OSBPL3: variants seen among roughly 807,000 people sequenced by gnomAD.
OSBPL3 encodes oxysterol binding protein like 3, also known as oxysterol-binding protein-related protein 3.
OSBPL3 carries 65 observed loss-of-function variants against 120.1 expected under a neutral mutation model. The observed-to-expected ratio is 0.54, with a 90% CI of 0.44 to 0.67. OSBPL3 has a LOEUF of 0.67. Ranked by LOEUF, OSBPL3 falls within the 30% of genes least tolerant of loss-of-function variation. OSBPL3 has a pLI of 0.00. For synonymous variants in OSBPL3, 416 were observed against 402.6 expected (o/e 1.03, Z -0.40); for missense variants, 1,004 against 1,082.1 (o/e 0.93, Z 1.01).
rs916386705 is a variant in OSBPL3 at position 24,798,182 on chromosome 7, T to C, written c.*2001A>G. The stretch of plus-strand genomic sequence containing the variant: ...CTCTAAAATAAAGCATAAGGGCAAG[T>C]GAAATAACATTAGGATAATTAAAGA... On this transcript the variant is annotated 3_prime_UTR_variant, in exon 23 of 23. Transcript: ENST00000313367. The surrounding 1 kb of genome is among the most constrained non-coding windows in gnomAD (Gnocchi z 4.6). 6.6e-6 allele frequency: 1 copy of C among 152,328 alleles called. No individual in the cohort carries two copies. The highest frequency in any genetic ancestry group is 1.9e-4 in the East Asian group (1 of 5,196). 9.4% of individuals were successfully genotyped at this position (152,328 alleles called of 1,614,324 possible).
Position 24,955,481 on chromosome 7 carries a change from G to A in OSBPL3, c.-150+24405C>T, listed in dbSNP as rs926573738. Reference sequence around the variant, plus strand: ...TGATTCTCCCTGGCTGTTCTGTGGAGGAGAGGCTACTGGGGTGGCCTCAGG... The same window carrying A: ...TGATTCTCCCTGGCTGTTCTGTGGAAGAGAGGCTACTGGGGTGGCCTCAGG... On this transcript the variant is annotated intron_variant, in intron 1 of 22. Transcript: ENST00000313367. This position sits in a 1 kb window ranked among gnomAD's most constrained non-coding sequence, Gnocchi z 4.3. Among the ~76,000 whole-genome samples the A allele has an allele frequency of 9.2e-5, 14 of 152,232 alleles. No homozygotes were observed. The highest frequency in any genetic ancestry group is 5.2e-4 in the Admixed American group (8 of 15,284).
At position 24,935,103 on chromosome 7, in the gene OSBPL3, A is replaced by T. The variant is rs145340624; in HGVS notation, c.-149-42482T>A. Reference sequence around the variant, plus strand: ...ATAGAAAATTTGATAAATAATTTGTAGTACAACTACATAATAACCTATAAG... The same window carrying T: ...ATAGAAAATTTGATAAATAATTTGTTGTACAACTACATAATAACCTATAAG... On this transcript the variant is annotated intron_variant, in intron 1 of 22. Coordinates refer to ENST00000313367, the MANE Select transcript of OSBPL3 (RefSeq NM_015550.4). 7.1e-3 allele frequency among the ~76,000 whole-genome samples: 1,077 copies of T among 152,330 alleles called. 8 individuals carry two copies. The highest frequency in any genetic ancestry group is 9.9e-3 in the Non-Finnish European group (670 of 68,014).
At position 24,805,946 on chromosome 7, in the gene OSBPL3, G is replaced by C. The variant is rs1252408188; in HGVS notation, c.2444+830C>G. Among the ~76,000 whole-genome samples, 1 of 152,154 alleles carries C rather than the reference G, an allele frequency of 6.6e-6. No individual in the cohort carries two copies. Among genetic ancestry groups the C allele is most frequent in the Admixed American group, 6.5e-5 (1 of 15,274 alleles). Reference sequence around the variant, plus strand: ...ATAGTTTTATTTATTTTGCCATAAAGAAGGGCTTAAGTTTGTTTGTTTTGT... The same window carrying C: ...ATAGTTTTATTTATTTTGCCATAAACAAGGGCTTAAGTTTGTTTGTTTTGT... On this transcript the variant is annotated intron_variant, in intron 21 of 22. Coordinates refer to ENST00000313367, the MANE Select transcript of OSBPL3 (RefSeq NM_015550.4). This position sits in a 1 kb window ranked among gnomAD's most constrained non-coding sequence, Gnocchi z 4.0.
chr7:24,843,644 G>T (rs763566687), intron 12 of OSBPL3, among the ~76,000 whole-genome samples: 5 of 152,090 alleles, frequency 3.3e-5, no homozygotes, highest in Non-Finnish European at 5.9e-5. Flanking sequence ...TGTTGAAATA[G>T]ATATCCCTTT....
At chr7:24,812,393 T>G (rs1414817728) in intron 19 of OSBPL3, among the ~76,000 whole-genome samples, 1 of 151,782 alleles carries the variant, frequency 6.6e-6, no homozygotes, top group African/African-American at 2.4e-5. Flanking sequence ...ATTCTCACTA[T>G]GTATTGGTCC....
intron 12 of OSBPL3, among the ~76,000 whole-genome samples, chr7:24,843,384 G>T (rs1372958072): frequency 2.0e-5 from 3 of 152,192 alleles, no homozygotes; most frequent in Non-Finnish European, 4.4e-5. Flanking sequence ...AGAGTAGACA[G>T]GTAGTAGTAA....
At chr7:24,910,785 C>T (rs547027282) in intron 1 of OSBPL3, among the ~76,000 whole-genome samples, 3 of 152,224 alleles carry the variant, frequency 2.0e-5, no homozygotes, top group African/African-American at 7.2e-5. Context: ...CTGCAGGGAG[C>T]CGTGAAGATG....
rs1428261965 is a variant in OSBPL3, at chr7:24,936,304, C to A, written c.-150+43582G>T. ...TACTTAGGGCTAACTTTTCCTCTCACAATCCACAAACATGAATACGTTCTT... is the reference window on the plus strand; with the variant it reads ...TACTTAGGGCTAACTTTTCCTCTCAAAATCCACAAACATGAATACGTTCTT... On this transcript the variant is annotated intron_variant, in intron 1 of 22. Coordinates refer to ENST00000313367, the MANE Select transcript of OSBPL3 (RefSeq NM_015550.4). This position sits in a 1 kb window ranked among gnomAD's most constrained non-coding sequence, Gnocchi z 4.2. Among the ~76,000 whole-genome samples, 2 of 152,196 alleles carry A rather than the reference C, an allele frequency of 1.3e-5. No homozygotes were observed. The highest frequency in any genetic ancestry group is 2.9e-5 in the Non-Finnish European group (2 of 68,026).
rs764566881 is a variant in OSBPL3 at position 24,892,465 on chromosome 7, CTCA to C, written c.5_7del (p.Met2del). ...GGACACACCAAGGTTCTTCTCATCA[CTCA>C]TCATGGACAGCAAGTCACTTGGCCT... On this transcript the variant is annotated inframe_deletion, in exon 2 of 23. Coordinates refer to ENST00000313367, the MANE Select transcript of OSBPL3 (RefSeq NM_015550.4). 3.1e-6 allele frequency: 5 copies of C among 1,613,146 alleles called. No individual in the cohort carries two copies. Among genetic ancestry groups the C allele is most frequent in the East Asian group, 2.2e-5 (1 of 44,880 alleles).
rs751682588 is a variant in OSBPL3 at position 24,815,012 on chromosome 7, T to C, written c.2172+47A>G. On this transcript the variant is annotated intron_variant, in intron 19 of 22. Transcript: ENST00000313367. This position sits in a 1 kb window ranked among gnomAD's most constrained non-coding sequence, Gnocchi z 5.1. ...GCCCTGTGCTCTGGGGCCCTGGCTC[T>C]GCCACAGCCCTTCCAGGGTCAGAGC... 9.0e-5 allele frequency: 144 copies of C among 1,597,098 alleles called. No individual in the cohort carries two copies. Among genetic ancestry groups the C allele is most frequent in the Non-Finnish European group, 1.2e-4 (140 of 1,166,504 alleles).
In OSBPL3 at chr7:24,827,703, T is replaced by C. The variant is rs1288095475; in HGVS notation, c.1884+3065A>G. On this transcript the variant is annotated intron_variant, in intron 16 of 22. Coordinates refer to ENST00000313367, the MANE Select transcript of OSBPL3 (RefSeq NM_015550.4). This position sits in a 1 kb window ranked among gnomAD's most constrained non-coding sequence, Gnocchi z 5.1. ...TTATCCCTGAGAGACTCATCCATTC[T>C]TAGGTATATTAAAATAACCAACTAT... Among the ~76,000 whole-genome samples, 1 of 152,224 alleles carries C rather than the reference T, an allele frequency of 6.6e-6. No homozygotes were observed. The highest frequency in any genetic ancestry group is 1.5e-5 in the Non-Finnish European group (1 of 68,036).
At chr7:24,963,478 C>T (rs967320861) in intron 1 of OSBPL3, among the ~76,000 whole-genome samples, 8 of 152,198 alleles carry the variant, frequency 5.3e-5, no homozygotes, top group Non-Finnish European at 8.8e-5. Context: ...ACCAAGAATC[C>T]GGCCAACCCA....
chr7:24,834,191 G>C lies in OSBPL3; in HGVS notation c.1746+295C>G. 3.6e-6 allele frequency: 4 copies of C among 1,109,022 alleles called. No homozygotes were observed. Among genetic ancestry groups the C allele is most frequent in the Non-Finnish European group, 4.4e-6 (4 of 900,540 alleles). 68.7% of individuals were successfully genotyped at this position (1,109,022 alleles called of 1,614,324 possible). A position where few individuals can be genotyped will look rare whatever the true frequency, so the allele number is the denominator to read the frequency against. On this transcript the variant is annotated intron_variant, in intron 15 of 22. Transcript: ENST00000313367. The surrounding 1 kb of genome is among the most constrained non-coding windows in gnomAD (Gnocchi z 5.2). ...GACATGTTTTCCAGCCGGGCACATC[G>C]GAACAATCAGCCAGAAGGCTTCTGG... is the stretch of plus-strand genomic sequence containing the variant.
intron 16 of OSBPL3, among the ~76,000 whole-genome samples, chr7:24,826,938 G>A (rs946558689): frequency 1.3e-5 from 2 of 152,024 alleles, no homozygotes; most frequent in African/African-American, 4.8e-5. Flanking sequence ...AAATCCACAA[G>A]ACAACAAAAT....
intron 2 of OSBPL3, among the ~76,000 whole-genome samples, chr7:24,884,656 C>T (rs1001711639): frequency 6.6e-6 from 1 of 152,170 alleles, no homozygotes; most frequent in East Asian, 1.9e-4. Context: ...TTGTCAAACA[C>T]TTACATAGCA....
At chr7:24,971,272 C>T (rs992451395) in intron 1 of OSBPL3, among the ~76,000 whole-genome samples, 2 of 152,236 alleles carry the variant, frequency 1.3e-5, no homozygotes, top group Non-Finnish European at 2.9e-5. Flanking sequence ...AAAACTACTT[C>T]GCCCTCTCTA....
chr7:24,834,824 A>G lies in OSBPL3; in HGVS notation c.1496-88T>C. 8.3e-7 allele frequency: 1 copy of G among 1,205,746 alleles called. No individual in the cohort carries two copies. The highest frequency in any genetic ancestry group is 1.1e-6 in the Non-Finnish European group (1 of 882,018). The allele number at this position is 1,205,746 out of a possible 1,614,324, so 74.7% of individuals were successfully genotyped here. A position where few individuals can be genotyped will look rare whatever the true frequency, so the allele number is the denominator to read the frequency against. On this transcript the variant is annotated intron_variant, in intron 14 of 22. Coordinates refer to ENST00000313367, the MANE Select transcript of OSBPL3 (RefSeq NM_015550.4). The surrounding 1 kb of genome is among the most constrained non-coding windows in gnomAD (Gnocchi z 5.2). ...TCCACGAATAAAACCTTACGTAGCA[A>G]GTAGTCAATGTTACTATTAAACTCA...
rs527723530 is a variant in OSBPL3 at position 24,857,152 on chromosome 7, TACTACTC to T, written c.1027+4454_1027+4460del. ...GTTCAGAAAATGACCACTCAATACTTACTACTCAACATAGGGAAAGAATCCAGAAAGA... is the reference window on the plus strand; with the variant it reads ...GTTCAGAAAATGACCACTCAATACTTAACATAGGGAAAGAATCCAGAAAGA... On this transcript the variant is annotated intron_variant, in intron 10 of 22. Transcript: ENST00000313367. Among the ~76,000 whole-genome samples the T allele has an allele frequency of 1.8e-4, 27 of 152,340 alleles. No individual in the cohort carries two copies. The East Asian group carries it at 4.6e-3, about 26-fold the overall frequency.
At chr7:24,970,433 C>T (rs2128536884) in intron 1 of OSBPL3, among the ~76,000 whole-genome samples, 1 of 152,298 alleles carries the variant, frequency 6.6e-6, no homozygotes, top group African/African-American at 2.4e-5. Flanking sequence ...ATCTCAATCC[C>T]ATGTGCCCTT....
Sources: allele counts gnomAD v4.1 joint callset (sites outside exome capture counted in the v4.1 genomes callset), GRCh38; gene constraint gnomAD v4.1.1; non-coding constraint Gnocchi (gnomAD v3.1); transcripts MANE v1.5; gene names NCBI Gene and HGNC (gene_info 2026-07-23, HGNC 2026-07-21).